The following TSPAN5 variants were observed in gnomAD, a reference collection of about 807,000 sequenced individuals.
The protein encoded by TSPAN5 is tetraspanin 5.
Under a neutral mutation model 37.1 loss-of-function variants are expected in TSPAN5, and 10 were observed. The ratio of observed to expected loss-of-function variants is 0.27; its 90% CI spans 0.17 to 0.46. TSPAN5 has a LOEUF of 0.46. Among genes scored for constraint, TSPAN5 ranks in the 20% least tolerant of loss-of-function variants. The probability of loss-of-function intolerance (pLI) is 1.00; values close to 1 mark genes in which losing one functional copy is unlikely to be tolerated. For missense variants in TSPAN5, 195 were observed against 326.6 expected (o/e 0.60, Z 3.11); for synonymous variants, 110 against 118.9 (o/e 0.93, Z 0.48).
At chr4:98,656,865 T>C (rs1435560178) in intron 1 of TSPAN5, among the ~76,000 whole-genome samples, 1 of 152,186 alleles carries the variant, frequency 6.6e-6, no homozygotes, top group Non-Finnish European at 1.5e-5. Context: ...AAGAGCCGTA[T>C]TGACAACTAT....
At chr4:98,536,117 T>G (rs2110135424) in intron 1 of TSPAN5, among the ~76,000 whole-genome samples, 1 of 152,286 alleles carries the variant, frequency 6.6e-6, no homozygotes. Flanking sequence ...GTGTTCTTGT[T>G]TTTGGTATTT....
intron 1 of TSPAN5, among the ~76,000 whole-genome samples, chr4:98,634,707 CGAAG>C (rs752595291): frequency 1.3e-5 from 2 of 152,150 alleles, no homozygotes; most frequent in Non-Finnish European, 2.9e-5. Flanking sequence ...CCATGAAACA[CGAAG>C]GAAGGATCTG....
chr4:98,634,972 C>G (rs12509185), intron 1 of TSPAN5, among the ~76,000 whole-genome samples: 16,373 of 152,192 alleles, frequency 0.11, 1,145 homozygotes, highest in South Asian at 0.31. Context: ...AGTGATTTGA[C>G]AGACCACAGC....
chr4:98,562,646 C>A (rs965908923), intron 1 of TSPAN5, among the ~76,000 whole-genome samples: 1 of 151,598 alleles, frequency 6.6e-6, no homozygotes, highest in African/African-American at 2.4e-5. Context: ...GGCAACACAG[C>A]GAGACTCTGT....
At chr4:98,473,597 C>T (rs975379765) in intron 7 of TSPAN5, among the ~76,000 whole-genome samples, 31 of 151,974 alleles carry the variant, frequency 2.0e-4, no homozygotes, top group Non-Finnish European at 3.4e-4. Context: ...GTAGCTGGGA[C>T]TACAGGCGCC....
intron 1 of TSPAN5, among the ~76,000 whole-genome samples, chr4:98,546,286 T>C (rs1291083471): frequency 2.6e-5 from 4 of 152,100 alleles, no homozygotes; most frequent in Non-Finnish European, 4.4e-5. Context: ...TGAAAATACA[T>C]AAAGTTGGTT....
At chr4:98,517,557 A>G (rs1279038266) in intron 1 of TSPAN5, among the ~76,000 whole-genome samples, 1 of 152,090 alleles carries the variant, frequency 6.6e-6, no homozygotes, top group African/African-American at 2.4e-5. Flanking sequence ...AGAAATGTCT[A>G]CAATCCAGGG....
chr4:98,574,091 A>G (rs1262736856), intron 1 of TSPAN5, among the ~76,000 whole-genome samples: 2 of 152,250 alleles, frequency 1.3e-5, no homozygotes, highest in Non-Finnish European at 2.9e-5. Flanking sequence ...GGCCTGGGAA[A>G]GTATTTGTTG....
intron 1 of TSPAN5, among the ~76,000 whole-genome samples, chr4:98,615,496 T>C (rs905524748): frequency 7.9e-5 from 12 of 152,196 alleles, no homozygotes; most frequent in African/African-American, 2.9e-4. Context: ...ACAATGCTTT[T>C]AGGGAAAAGA....
chr4:98,574,229 T>C (rs973684982), intron 1 of TSPAN5, among the ~76,000 whole-genome samples: 6 of 152,212 alleles, frequency 3.9e-5, no homozygotes, highest in Non-Finnish European at 8.8e-5. Context: ...GCGCACATCA[T>C]ATTTCACCTA....
intron 1 of TSPAN5, among the ~76,000 whole-genome samples, chr4:98,588,379 G>A (rs1260980786): frequency 1.3e-5 from 2 of 149,884 alleles, no homozygotes; most frequent in African/African-American, 2.5e-5. Flanking sequence ...AGTGCTGGGT[G>A]TTAACTTCGG....
rs973643713 is a variant in TSPAN5 at position 98,491,063 on chromosome 4, G to GA, written c.133-4180dup. 5.4e-3 allele frequency among the ~76,000 whole-genome samples: 779 copies of GA among 143,826 alleles called. 3 individuals are homozygous for GA. Among genetic ancestry groups the GA allele is most frequent in the African/African-American group, 0.011 (445 of 39,414 alleles). 94.4% of individuals were successfully genotyped at this position (143,826 alleles called of 152,430 possible). ...GGTGACAAAGCGAGACTCTGCCTCA[G>GA]AAAAAAAAAAAATTGTATGTATTGT... On this transcript the variant is annotated intron_variant, in intron 2 of 7. Coordinates refer to ENST00000305798, the MANE Select transcript of TSPAN5 (RefSeq NM_005723.4).
chr4:98,533,952 A>AAAAAAAAAAAAC (rs1553912229), intron 1 of TSPAN5, among the ~76,000 whole-genome samples: 3 of 144,730 alleles, frequency 2.1e-5, no homozygotes, highest in Non-Finnish European at 4.6e-5. Flanking sequence ...AAAAAAAAAA[A>AAAAAAAAAAAAC]AAAAAAAAAA....
chr4:98,585,233 G>A (rs1755460335), intron 1 of TSPAN5, among the ~76,000 whole-genome samples: 1 of 152,254 alleles, frequency 6.6e-6, no homozygotes. Flanking sequence ...TTACCCGAAT[G>A]GTGAACACTG....
intron 1 of TSPAN5, among the ~76,000 whole-genome samples, chr4:98,518,790 G>A (rs11945713): frequency 0.2 from 30,998 of 152,134 alleles, 3,301 homozygotes; most frequent in South Asian, 0.24. Flanking sequence ...AGAAACTCTG[G>A]GGGCAGGGCC....
chr4:98,608,596 A>G (rs558207517), intron 1 of TSPAN5, among the ~76,000 whole-genome samples: 7 of 152,230 alleles, frequency 4.6e-5, no homozygotes, highest in South Asian at 4.2e-4. Flanking sequence ...CCTGACCCCA[A>G]TGAGGATGCT....
chr4:98,645,516 C>T (rs1017802395), intron 1 of TSPAN5, among the ~76,000 whole-genome samples: 6 of 152,114 alleles, frequency 3.9e-5, no homozygotes, highest in East Asian at 3.8e-4. Context: ...AACCAGAATC[C>T]GCATTTGAAC....
chr4:98,489,122 C>T (rs528035755), intron 2 of TSPAN5, among the ~76,000 whole-genome samples: 56 of 152,130 alleles, frequency 3.7e-4, no homozygotes, highest in African/African-American at 1.3e-3. Flanking sequence ...TAACTTGGCA[C>T]CAGAAAGAAG....
At chr4:98,585,071 G>A (rs1755454223) in intron 1 of TSPAN5, among the ~76,000 whole-genome samples, 1 of 152,078 alleles carries the variant, frequency 6.6e-6, no homozygotes, top group South Asian at 2.1e-4. Flanking sequence ...TCTGTGTCAG[G>A]ACTAATGTTG....
Sources: gnomAD v4.1 joint callset for allele counts (sites outside exome capture counted in the v4.1 genomes callset) on GRCh38, gnomAD v4.1.1 for gene constraint, MANE v1.5 for transcripts, NCBI Gene and HGNC (gene_info 2026-07-23, HGNC 2026-07-21) for gene names.